The following PRMT8 variants were observed in gnomAD, a reference collection of about 807,000 sequenced individuals.
PRMT8 encodes protein arginine N-methyltransferase 8.
A neutral mutation model predicts 47.1 loss-of-function variants in PRMT8; 7 were observed. That is an observed-to-expected ratio of 0.15 (90% CI 0.08 to 0.28). PRMT8 has a LOEUF of 0.28. Ranked by LOEUF, PRMT8 falls within the 10% of genes least tolerant of loss-of-function variation. PRMT8 has a pLI of 1.00. For missense variants in PRMT8, 237 were observed against 505.4 expected, an observed-to-expected ratio of 0.47 and a Z score of 5.09; for synonymous variants, 188 against 186.5, an observed-to-expected ratio of 1.01 and a Z score of -0.07.
intron 7 of PRMT8, among the ~76,000 whole-genome samples, chr12:3,578,421 G>A (rs1411421590): frequency 6.6e-6 from 1 of 151,844 alleles, no homozygotes; most frequent in African/African-American, 2.4e-5. Flanking sequence ...ATGGGGTTTG[G>A]CCATGTTGCC....
intron 1 of PRMT8, among the ~76,000 whole-genome samples, chr12:3,429,450 T>C (rs1178584189): frequency 2.0e-5 from 3 of 152,122 alleles, no homozygotes; most frequent in South Asian, 2.1e-4. Flanking sequence ...CAAAACACCA[T>C]GCTAACACCA....
At chr12:3,425,456 T>A (rs976551267) in intron 1 of PRMT8, among the ~76,000 whole-genome samples, 3 of 152,262 alleles carry the variant, frequency 2.0e-5, no homozygotes, top group African/African-American at 4.8e-5. Context: ...TGCCATTTTT[T>A]AAAATTTTCT....
At chr12:3,465,130 A>G (rs1346871658) in intron 1 of PRMT8, among the ~76,000 whole-genome samples, 1,637 of 135,770 alleles carry the variant, frequency 0.012, 18 homozygotes, top group Non-Finnish European at 0.021. Context: ...CTCAAAAAAA[A>G]TATATATATA....
intron 6 of PRMT8, among the ~76,000 whole-genome samples, chr12:3,575,728 G>T (rs142857038): frequency 6.6e-6 from 1 of 152,306 alleles, no homozygotes; most frequent in Admixed American, 6.5e-5. Flanking sequence ...ATCAATGACT[G>T]CAATTATTGG....
At position 3,521,499 on chromosome 12, in the gene PRMT8, G is replaced by A. The variant is rs146760871; in HGVS notation, c.76-19107G>A. Among the ~76,000 whole-genome samples the A allele has an allele frequency of 5.2e-4, 79 of 152,216 alleles. 1 individual carries two copies. Among genetic ancestry groups the A allele is most frequent in the African/African-American group, 1.7e-3 (71 of 41,534 alleles). On this transcript the variant is annotated intron_variant, in intron 1 of 9. Transcript: ENST00000382622. ...TGAGGCAGGAGAATCACTTGAACCCGGAAGGTAGAGGTTGCAGTCAGCTGA... is the reference window on the plus strand; with the variant it reads ...TGAGGCAGGAGAATCACTTGAACCCAGAAGGTAGAGGTTGCAGTCAGCTGA...
At chr12:3,444,832 GCTGCC>G (rs1161349253) in intron 1 of PRMT8, among the ~76,000 whole-genome samples, 1 of 152,248 alleles carries the variant, frequency 6.6e-6, no homozygotes, top group Admixed American at 6.5e-5. Flanking sequence ...CTGCATTGGG[GCTGCC>G]CTGCACATGC....
chr12:3,515,158 C>T (rs16930545), intron 1 of PRMT8, among the ~76,000 whole-genome samples: 15,777 of 152,202 alleles, frequency 0.1, 1,031 homozygotes, highest in African/African-American at 0.18. Flanking sequence ...CAGTCCTATT[C>T]CAGCGTGCAC....
intron 1 of PRMT8, among the ~76,000 whole-genome samples, chr12:3,520,292 A>G (rs1191978148): frequency 6.6e-6 from 1 of 152,264 alleles, no homozygotes; most frequent in Non-Finnish European, 1.5e-5. Context: ...GAAGCCAGGG[A>G]TGCCTTTGCT....
In PRMT8 at chr12:3,569,548, G is replaced by A; in HGVS notation, c.696G>A (p.Lys232=). ...TAGCGATTGAAGACAGACAGTACAAGGACTTCAAAATCCACTGTAAGTCCC... is the reference window on the plus strand; with the variant it reads ...TAGCGATTGAAGACAGACAGTACAAAGACTTCAAAATCCACTGTAAGTCCC... ...YVVAIEDRQY[K]DFKIHWWENV... is the part of the protein sequence containing the mutation. The change falls in exon 6 of 10, where the codon AAG becomes AAA. Residue 232 remains lysine, a synonymous_variant. Transcript: ENST00000382622. The surrounding 1 kb of genome is among the most constrained non-coding windows in gnomAD (Gnocchi z 8.2). 1.2e-5 allele frequency: 19 copies of A among 1,614,128 alleles called. No individual in the cohort carries two copies. Among genetic ancestry groups the A allele is most frequent in the Non-Finnish European group, 1.4e-5 (17 of 1,179,990 alleles).
At chr12:3,455,269 A>G (rs1864962447) in intron 1 of PRMT8, among the ~76,000 whole-genome samples, 2 of 152,234 alleles carry the variant, frequency 1.3e-5, no homozygotes, top group African/African-American at 4.8e-5. Flanking sequence ...CTATAACACC[A>G]GTCCCTCACG....
chr12:3,445,732 C>T (rs1300718836), intron 1 of PRMT8, among the ~76,000 whole-genome samples: 2 of 152,192 alleles, frequency 1.3e-5, no homozygotes, highest in African/African-American at 4.8e-5. Context: ...GCTGGAGATT[C>T]TGAAAAGGAA....
rs141236271 is a variant in PRMT8 at position 3,590,495 on chromosome 12, C to G, written c.980-1736C>G. Among the ~76,000 whole-genome samples, 1,166 of 152,260 alleles carry G rather than the reference C, an allele frequency of 7.7e-3. 17 individuals are homozygous for G. Among genetic ancestry groups the G allele is most frequent in the African/African-American group, 0.027 (1,128 of 41,540 alleles). On this transcript the variant is annotated intron_variant, in intron 8 of 9. Transcript: ENST00000382622. ...GTAAATTAAAAATCTGCCTTCTAAT[C>G]ATGCCTAGTGACTAGCCTTTGTTCT...
intron 1 of PRMT8, among the ~76,000 whole-genome samples, chr12:3,522,821 A>G (rs1456010708): frequency 2.6e-5 from 4 of 152,072 alleles, no homozygotes; most frequent in African/African-American, 9.7e-5. Context: ...AAAACAGAAA[A>G]AAATGAAACA....
chr12:3,548,854 A>G (rs1866370324), intron 2 of PRMT8, among the ~76,000 whole-genome samples: 1 of 152,228 alleles, frequency 6.6e-6, no homozygotes, highest in African/African-American at 2.4e-5. Flanking sequence ...AAATGAAAAC[A>G]TATCCTTTGC....
chr12:3,509,607 G>A (rs929875542), intron 1 of PRMT8, among the ~76,000 whole-genome samples: 2 of 152,080 alleles, frequency 1.3e-5, no homozygotes, highest in Non-Finnish European at 2.9e-5. Context: ...ACTATCATTG[G>A]CCACATGTAC....
intron 1 of PRMT8, among the ~76,000 whole-genome samples, chr12:3,442,923 C>G (rs879530243): frequency 2.0e-5 from 3 of 152,130 alleles, no homozygotes; most frequent in Non-Finnish European, 4.4e-5. Context: ...TCCCAAAGTG[C>G]TGGGATTATA....
At chr12:3,421,282 CAGA>C (rs1297836083) in intron 1 of PRMT8, among the ~76,000 whole-genome samples, 9 of 152,130 alleles carry the variant, frequency 5.9e-5, no homozygotes, top group Non-Finnish European at 1.2e-4. Context: ...TCTGGTGGGA[CAGA>C]AGGACACTCC....
At chr12:3,541,865 TC>T (rs1385595084) in intron 2 of PRMT8, among the ~76,000 whole-genome samples, 1 of 152,186 alleles carries the variant, frequency 6.6e-6, no homozygotes, top group Non-Finnish European at 1.5e-5. Flanking sequence ...TTATTGCTTG[TC>T]CCCATTCTCC....
rs990135360 is a variant in PRMT8, at chr12:3,396,342, G to A, written c.48+14900G>A. 4.4e-3 allele frequency among the ~76,000 whole-genome samples: 671 copies of A among 152,190 alleles called. 7 individuals carry two copies. The highest frequency in any genetic ancestry group is 0.015 in the African/African-American group (634 of 41,510). On this transcript the variant is annotated intron_variant, in intron 1 of 9. Transcript: ENST00000452611. ...TTACATTTTGGCATGATTTTGCAGC[G>A]GCTGGTACCGGTTGTTCCTTTCCAT...
Sources: allele counts gnomAD v4.1 joint callset (sites outside exome capture counted in the v4.1 genomes callset), GRCh38; gene constraint gnomAD v4.1.1; non-coding constraint Gnocchi (gnomAD v3.1); transcripts MANE v1.5; gene names NCBI Gene and HGNC (gene_info 2026-07-23, HGNC 2026-07-21).